The following TULP2 variants were observed in gnomAD, a reference collection of about 807,000 sequenced individuals.
TULP2 encodes the protein TUB like protein 2.
In TULP2, 64 loss-of-function variants were observed where a neutral mutation model predicts 60.3. The ratio of observed to expected loss-of-function variants is 1.06; its 90% confidence interval spans 0.87 to 1.31. TULP2 has a LOEUF of 1.31. Among genes scored for constraint, TULP2 ranks in the 50% most tolerant of loss-of-function variants. The pLI, the probability that TULP2 is intolerant of heterozygous loss-of-function variation, is 0.00. For missense variants in TULP2, 652 were observed against 667.0 expected, an observed-to-expected ratio of 0.98 and a Z score of 0.25; for synonymous variants, 267 against 265.4, an observed-to-expected ratio of 1.01 and a Z score of -0.06.
chr19:48,892,745 C>A (rs1460373723), intron 6 of TULP2, among the ~76,000 whole-genome samples: 1 of 152,052 alleles, frequency 6.6e-6, no homozygotes, highest in Non-Finnish European at 1.5e-5. Flanking sequence ...CCCGCCTCGG[C>A]CTCCCAAAGT....
intron 8 of TULP2, among the ~76,000 whole-genome samples, chr19:48,886,263 G>C (rs1031474392): frequency 3.4e-5 from 5 of 148,908 alleles, no homozygotes; most frequent in Non-Finnish European, 5.9e-5. Flanking sequence ...CCGAGATCGC[G>C]CCACTGCACT....
In TULP2 at chr19:48,883,777, G is replaced by T. The variant is rs376067742; in HGVS notation, c.1252C>A (p.Arg418=). The part of the protein sequence containing the change: ...ILPGTNSQNQ[R]INVQPLNEQE... ...ACATTTAGTGGCTGGACATTGATTC[G>T]CTGGTTCTGGCTGTTGGTTCCTGGG... Residue 418 remains arginine (R), a synonymous_variant, in exon 11 of 13, where the codon CGA becomes AGA. Transcript: ENST00000221399. The T allele has an allele frequency of 6.2e-7, 1 of 1,614,016 alleles. No homozygotes were observed. Among genetic ancestry groups the T allele is most frequent in the South Asian group, 1.1e-5 (1 of 91,056 alleles).
intron 11 of TULP2, 82 bp downstream of exon 11, chr19:48,883,672 C>T (rs1470650988): frequency 6.6e-7 from 1 of 1,505,422 alleles, no homozygotes; most frequent in African/African-American, 1.4e-5. Flanking sequence ...TCCTCCTCTT[C>T]TTCTTCCTCC....
chr19:48,888,584 C>T (rs1229827014), intron 7 of TULP2, among the ~76,000 whole-genome samples: 1 of 152,192 alleles, frequency 6.6e-6, no homozygotes, highest in African/African-American at 2.4e-5. Flanking sequence ...AAACCATCTA[C>T]TGCACTTTCA....
chr19:48,884,056 G>A lies in TULP2; in HGVS notation c.1062-10C>T, dbSNP rs753356934. On this transcript the variant is annotated splice_polypyrimidine_tract_variant and intron_variant, in intron 9 of 12. Coordinates refer to ENST00000221399, the MANE Select transcript of TULP2 (RefSeq NM_003323.3). Reference sequence around the variant, plus strand: ...GCTGAAGACATTGGATCTGCTCCAGGAAGGGAATGGATAGAATAAAAATAC... The same window carrying A: ...GCTGAAGACATTGGATCTGCTCCAGAAAGGGAATGGATAGAATAAAAATAC... 16 of 1,607,406 alleles carry A rather than the reference G, an allele frequency of 1.0e-5. No individual in the cohort carries two copies. In the East Asian group the frequency reaches 2.7e-4, roughly 27 times the overall value.
At chr19:48,898,271 A>C (rs2037301208) in intron 1 of TULP2, 1 of 150,780 alleles carries the variant, frequency 6.6e-6, no homozygotes, top group South Asian at 2.1e-4. Flanking sequence ...GCCCGGCCTG[A>C]TCCTTACCTT....
chr19:48,884,089 T>C (rs2037158820), intron 9 of TULP2, 43 bp from the exon 10 acceptor site: 1 of 1,531,812 alleles, frequency 6.5e-7, no homozygotes, highest in South Asian at 1.1e-5. Flanking sequence ...TACTAAGTGT[T>C]ACTCTTTGAG....
intron 7 of TULP2, 35 bp downstream of exon 7, chr19:48,889,475 C>A: frequency 1.3e-6 from 2 of 1,563,054 alleles, no homozygotes; most frequent in Non-Finnish European, 1.7e-6. Flanking sequence ...TAGCCCTCTT[C>A]TTCCAATATC....
intron 6 of TULP2, 40 bp from the exon 7 acceptor site, chr19:48,889,671 T>G (rs750411241): frequency 1.0e-5 from 16 of 1,544,686 alleles, no homozygotes; most frequent in Non-Finnish European, 1.3e-5. Context: ...ATTGTTACTG[T>G]GTCTGTGTAG....
chr19:48,897,215 A>G lies in TULP2; in HGVS notation c.84+130T>C. On this transcript the variant is annotated intron_variant, in intron 3 of 12. Coordinates refer to ENST00000221399, the MANE Select transcript of TULP2 (RefSeq NM_003323.3). The surrounding 1 kb of genome is among the most constrained non-coding windows in gnomAD (Gnocchi z 4.0). ...CCAAATTCCTATTTTCTCATTTCTC[A>G]GTGGGAAAACTCAAGGATGAGAGAC... is the stretch of plus-strand genomic sequence containing the variant. 1 of 1,017,994 alleles carries G rather than the reference A, an allele frequency of 9.8e-7. No homozygotes were observed. Among genetic ancestry groups the G allele is most frequent in the Non-Finnish European group, 1.5e-6 (1 of 669,688 alleles). 63.1% of individuals were successfully genotyped at this position (1,017,994 alleles called of 1,614,324 possible).
At position 48,897,425 on chromosome 19, in the gene TULP2, G is replaced by A; in HGVS notation, c.33-29C>T. 1 of 1,612,392 alleles carries A rather than the reference G, an allele frequency of 6.2e-7. No individual in the cohort carries two copies. The highest frequency in any genetic ancestry group is 1.3e-5 in the African/African-American group (1 of 75,010). ...AGAGAGACACAGGCCCATGGTGACA[G>A]TGCACAGGGAACCTCGGTTGCCCAA... On this transcript the variant is annotated intron_variant, in intron 2 of 12. Transcript: ENST00000221399. The surrounding 1 kb of genome is among the most constrained non-coding windows in gnomAD (Gnocchi z 4.0).
chr19:48,884,082 T>A, intron 9 of TULP2, 36 bp from the exon 10 acceptor site: 1 of 1,550,252 alleles, frequency 6.5e-7, no homozygotes, highest in South Asian at 1.1e-5. Flanking sequence ...ATAAAAATAC[T>A]AAGTGTTACT....
At chr19:48,889,472 C>T in intron 7 of TULP2, 38 bp downstream of exon 7, 1 of 1,561,310 alleles carries the variant, frequency 6.4e-7, no homozygotes, top group South Asian at 1.2e-5. Context: ...GGCTAGCCCT[C>T]TTCTTCCAAT....
At position 48,897,921 on chromosome 19, in the gene TULP2, C is replaced by T; in HGVS notation, c.-1-52G>A. 1 of 1,520,326 alleles carries T rather than the reference C, an allele frequency of 6.6e-7. No homozygotes were observed. The highest frequency in any genetic ancestry group is 9.0e-7 in the Non-Finnish European group (1 of 1,106,140). The allele number at this position is 1,520,326 out of a possible 1,614,324, so 94.2% of individuals were successfully genotyped here. On this transcript the variant is annotated intron_variant, in intron 1 of 12. Transcript: ENST00000221399. The surrounding 1 kb of genome is among the most constrained non-coding windows in gnomAD (Gnocchi z 4.0). ...GATCAGAACCAACATCCCAATGGATCCTGCCCACCAGCACCTAATCTTTAG... is the reference window on the plus strand; with the variant it reads ...GATCAGAACCAACATCCCAATGGATTCTGCCCACCAGCACCTAATCTTTAG...
At chr19:48,887,803 C>G (rs1486588524) in intron 8 of TULP2, 147 bp downstream of exon 8, 13 of 821,536 alleles carry the variant, frequency 1.6e-5, no homozygotes, top group Admixed American at 5.8e-5. Context: ...GGTGATCCAC[C>G]CGCTTCAGCC....
rs139600328 is a variant in TULP2, at chr19:48,889,929, C to A, written c.515-298G>T. 7.3e-3 allele frequency among the ~76,000 whole-genome samples: 1,076 copies of A among 147,380 alleles called. 16 individuals carry two copies. Among genetic ancestry groups the A allele is most frequent in the African/African-American group, 0.026 (1,032 of 40,460 alleles). On this transcript the variant is annotated intron_variant, in intron 6 of 12. Transcript: ENST00000221399. ...CAAGTACCCAGGGACACAAACACCG[C>A]GGAAGGGCGCAGGGACCTCTGCCTA... is the stretch of plus-strand genomic sequence containing the variant.
At chr19:48,895,945 G>A (rs552896156) in intron 4 of TULP2, among the ~76,000 whole-genome samples, 81 of 152,244 alleles carry the variant, frequency 5.3e-4, no homozygotes, top group Non-Finnish European at 1.0e-3. Context: ...GTCCCAAACT[G>A]CATCCTAAGC....
chr19:48,898,359 C>A (rs1443728418), intron 1 of TULP2: 1 of 149,014 alleles, frequency 6.7e-6, no homozygotes, highest in African/African-American at 2.5e-5. Context: ...TTTCCAGCTT[C>A]CCACGGGGGT....
At chr19:48,895,214 C>A (rs1434799003) in intron 5 of TULP2, 52 bp from the exon 6 acceptor site, 2 of 1,592,092 alleles carry the variant, frequency 1.3e-6, no homozygotes, top group African/African-American at 2.7e-5. Flanking sequence ...CAGGAGGAGG[C>A]GGCTCAGGAC....
Sources: allele counts gnomAD v4.1 joint callset (sites outside exome capture counted in the v4.1 genomes callset), GRCh38; gene constraint gnomAD v4.1.1; non-coding constraint Gnocchi (gnomAD v3.1); transcripts MANE v1.5; gene names NCBI Gene and HGNC (gene_info 2026-07-23, HGNC 2026-07-21).